SULF1: variants seen among roughly 807,000 people sequenced by gnomAD.
SULF1 encodes sulfatase 1.
A neutral mutation model predicts 110.5 loss-of-function variants in SULF1; 46 were observed. That is an observed-to-expected ratio of 0.42 (90% CI 0.33 to 0.53). The LOEUF (loss-of-function observed/expected upper bound fraction) is 0.53, where lower values mean the gene tolerates loss of function less well. Among genes scored for constraint, SULF1 ranks in the 20% least tolerant of loss-of-function variants. The pLI is 0.12. For synonymous variants in SULF1, 371 were observed against 387.1 expected (o/e 0.96, Z 0.49); for missense variants, 941 against 1,094.2 (o/e 0.86, Z 1.98).
chr8:69,639,487 G>A (rs955939434), intron 21 of SULF1, among the ~76,000 whole-genome samples: 2 of 152,210 alleles, frequency 1.3e-5, no homozygotes, highest in African/African-American at 4.8e-5. Flanking sequence ...TGGAGATGCA[G>A]TTCTTTTCAG....
rs560702853 is a variant in SULF1 at position 69,612,426 on chromosome 8, A to G, written c.1377+7494A>G. On this transcript the variant is annotated intron_variant, in intron 13 of 22. Transcript: ENST00000402687. The stretch of plus-strand genomic sequence containing the variant: ...ATTCTTAGTTCTTTAAGGAAACTCC[A>G]TACTGTTTTCTGTAATGGTTGCACT... Among the ~76,000 whole-genome samples, 20 of 152,328 alleles carry G rather than the reference A, an allele frequency of 1.3e-4. No homozygotes were observed. The South Asian group carries it at 3.9e-3, about 30-fold the overall frequency.
chr8:69,531,138 C>T (rs553347941), intron 3 of SULF1, among the ~76,000 whole-genome samples: 2 of 152,314 alleles, frequency 1.3e-5, no homozygotes, highest in Admixed American at 6.5e-5. Flanking sequence ...TTCTGACCCA[C>T]TAAGCTGCCC....
intron 3 of SULF1, among the ~76,000 whole-genome samples, chr8:69,551,133 C>G (rs1814678832): frequency 6.6e-6 from 1 of 152,204 alleles, no homozygotes; most frequent in Admixed American, 6.5e-5. Context: ...TACGGCTGAA[C>G]AGAATTGGTA....
rs200402159 is a variant in SULF1, at chr8:69,616,212, A to G, written c.1378-4823A>G. ...TATATACACATATATATGTGTGTGT[A>G]TATATATATATATATATATTTTTTT... On this transcript the variant is annotated intron_variant, in intron 13 of 22. Transcript: ENST00000402687. Among the ~76,000 whole-genome samples, 925 of 100,986 alleles carry G rather than the reference A, an allele frequency of 9.2e-3. 5 individuals carry two copies. Among genetic ancestry groups the G allele is most frequent in the East Asian group, 0.032 (142 of 4,442 alleles). The allele number at this position is 100,986 out of a possible 152,430, so 66.3% of individuals were successfully genotyped here.
intron 3 of SULF1, among the ~76,000 whole-genome samples, chr8:69,508,539 T>G (rs1811350203): frequency 6.6e-6 from 1 of 152,222 alleles, no homozygotes; most frequent in Admixed American, 6.5e-5. Context: ...TAAAGAAATC[T>G]AAGTTCATTA....
chr8:69,522,131 A>T (rs1056537975), intron 3 of SULF1, among the ~76,000 whole-genome samples: 1 of 151,756 alleles, frequency 6.6e-6, no homozygotes, highest in South Asian at 2.1e-4. Flanking sequence ...GCTCACTGCA[A>T]CCTCCACCTC....
chr8:69,530,403 A>G (rs1321550333), intron 3 of SULF1, among the ~76,000 whole-genome samples: 1 of 152,184 alleles, frequency 6.6e-6, no homozygotes, highest in Admixed American at 6.5e-5. Context: ...AGGAGGGCTC[A>G]GTCTGCTAAT....
upstream of SULF1, among the ~76,000 whole-genome samples, chr8:69,491,047 T>G (rs982821049): frequency 1.3e-5 from 2 of 152,130 alleles, no homozygotes; most frequent in African/African-American, 4.8e-5. Flanking sequence ...TTGTTCCAAA[T>G]TAGTAGAGGG....
rs1160827959 is a variant in SULF1 at position 69,603,592 on chromosome 8, G to T, written c.1191-8G>T. 1.9e-6 allele frequency: 3 copies of T among 1,608,810 alleles called. No individual in the cohort carries two copies. The highest frequency in any genetic ancestry group is 2.6e-6 in the Non-Finnish European group (3 of 1,175,214). On this transcript the variant is annotated splice_polypyrimidine_tract_variant and splice_region_variant and intron_variant, in intron 11 of 22. Coordinates refer to ENST00000402687, the MANE Select transcript of SULF1 (RefSeq NM_001128205.2). ...TGCCAAAAGTAAATATTATCATTTT[G>T]CTTTCAGGTTTCGAACAAACAAGAA...
chr8:69,603,788 G>A (rs1808019715), intron 12 of SULF1, 132 bp downstream of exon 12: 1 of 692,650 alleles, frequency 1.4e-6, no homozygotes, highest in Non-Finnish European at 2.6e-6. Context: ...AAGATTGAAT[G>A]GTTTGCTGCT....
At chr8:69,638,119 A>G in intron 19 of SULF1, 1 of 206,704 alleles carries the variant, frequency 4.8e-6, no homozygotes, top group Non-Finnish European at 9.6e-6. Context: ...CTAGTTCCAT[A>G]TCTTTATTAA....
chr8:69,517,404 G>A (rs1285623185), intron 3 of SULF1, among the ~76,000 whole-genome samples: 2 of 152,136 alleles, frequency 1.3e-5, no homozygotes, highest in African/African-American at 4.8e-5. Flanking sequence ...GCTTTTGTAA[G>A]AAGAATAAAG....
chr8:69,624,290 G>A, intron 15 of SULF1, 93 bp downstream of exon 15: 1 of 1,491,628 alleles, frequency 6.7e-7, no homozygotes, highest in Non-Finnish European at 9.0e-7. Context: ...CAAAAAAGCA[G>A]TATCACTTGG....
rs958430339 is a variant in SULF1, at chr8:69,660,862, T to C, written c.*2327T>C. 5 of 152,670 alleles carry C rather than the reference T, an allele frequency of 3.3e-5. No homozygotes were observed. Among genetic ancestry groups the C allele is most frequent in the African/African-American group, 1.2e-4 (5 of 41,458 alleles). 9.5% of individuals were successfully genotyped at this position (152,670 alleles called of 1,614,324 possible). On this transcript the variant is annotated 3_prime_UTR_variant, in exon 23 of 23. Coordinates refer to ENST00000402687, the MANE Select transcript of SULF1 (RefSeq NM_001128205.2). The stretch of plus-strand genomic sequence containing the variant: ...ATACTTTTATAGAACAATTCTGGCT[T>C]CAGGAAAGTCTAGAAGCAATATTTC...
At chr8:69,502,902 G>C (rs1020279411) in intron 3 of SULF1, among the ~76,000 whole-genome samples, 14 of 151,938 alleles carry the variant, frequency 9.2e-5, no homozygotes, top group Non-Finnish European at 1.9e-4. Flanking sequence ...GGCCAGGCTG[G>C]TCTTGAACTC....
intron 13 of SULF1, among the ~76,000 whole-genome samples, chr8:69,605,225 C>T (rs1024295476): frequency 2.0e-5 from 3 of 152,196 alleles, no homozygotes; most frequent in African/African-American, 7.2e-5. Flanking sequence ...GTTATAGTCC[C>T]TGTTAACTAG....
At chr8:69,638,344 G>A (rs1811210531) in intron 19 of SULF1, 158 bp from the exon 20 acceptor site, 1 of 829,644 alleles carries the variant, frequency 1.2e-6, no homozygotes, top group Admixed American at 3.1e-5. Flanking sequence ...TTACCTACGG[G>A]GGGAAAGGTA....
rs532589914 is a variant in SULF1 at position 69,623,795 on chromosome 8, G to A, written c.1595-147G>A. 33 of 890,052 alleles carry A rather than the reference G, an allele frequency of 3.7e-5. 2 individuals are homozygous for A. The highest frequency in any genetic ancestry group is 3.0e-4 in the South Asian group (15 of 49,560). The allele number at this position is 890,052 out of a possible 1,614,324, so 55.1% of individuals were successfully genotyped here. A position where few individuals can be genotyped will look rare whatever the true frequency, so the allele number is the denominator to read the frequency against. On this transcript the variant is annotated intron_variant, in intron 14 of 22. Coordinates refer to ENST00000402687, the MANE Select transcript of SULF1 (RefSeq NM_001128205.2). Reference sequence around the variant, plus strand: ...CACTGCCAGGACAACCTCTGCTACCGTGAATTGCAGGCACCACGATGCCAC... The same window carrying A: ...CACTGCCAGGACAACCTCTGCTACCATGAATTGCAGGCACCACGATGCCAC...
chr8:69,614,940 G>A (rs886091777), intron 13 of SULF1, among the ~76,000 whole-genome samples: 2 of 152,238 alleles, frequency 1.3e-5, no homozygotes, highest in Non-Finnish European at 2.9e-5. Flanking sequence ...AAATAATGTA[G>A]TTGCAGAAAA....
Sources: gnomAD v4.1 joint callset for allele counts (sites outside exome capture counted in the v4.1 genomes callset) on GRCh38, gnomAD v4.1.1 for gene constraint, MANE v1.5 for transcripts, NCBI Gene and HGNC (gene_info 2026-07-23, HGNC 2026-07-21) for gene names.